THBS4: variants seen among roughly 807,000 people sequenced by gnomAD.
THBS4 encodes the protein thrombospondin 4.
A neutral mutation model predicts 115.7 loss-of-function variants in THBS4; 90 were observed. The observed-to-expected ratio is 0.78, with a 90% CI of 0.66 to 0.93. THBS4 has a LOEUF of 0.93. Among genes scored for constraint, THBS4 ranks in the 40% least tolerant of loss-of-function variants. THBS4 has a pLI of 0.00. For missense variants in THBS4, 1,087 were observed against 1,232.7 expected (o/e 0.88, Z 1.77); for synonymous variants, 460 against 479.3 (o/e 0.96, Z 0.53).
intron 2 of THBS4, among the ~76,000 whole-genome samples, chr5:80,048,706 A>G (rs1833157207): frequency 6.6e-6 from 1 of 151,832 alleles, no homozygotes; most frequent in Non-Finnish European, 1.5e-5. Context: ...GCCATAAGAA[A>G]ACTTTGAAAC....
At chr5:80,062,634 G>A (rs1833675218) in intron 8 of THBS4, among the ~76,000 whole-genome samples, 1 of 152,128 alleles carries the variant, frequency 6.6e-6, no homozygotes, top group South Asian at 2.1e-4. Context: ...TGCTGCACCT[G>A]TTAACTTGTC....
At chr5:80,056,092 G>T in intron 3 of THBS4, 60 bp downstream of exon 3, 1 of 1,514,650 alleles carries the variant, frequency 6.6e-7, no homozygotes, top group Non-Finnish European at 8.9e-7. Context: ...CCTAGGGAGT[G>T]CAGAGGAGCG....
chr5:80,056,794 T>C (rs1032110174), intron 3 of THBS4, among the ~76,000 whole-genome samples: 2 of 152,236 alleles, frequency 1.3e-5, no homozygotes, highest in African/African-American at 4.8e-5. Context: ...TGGTCCATAT[T>C]ATTTTTGTCT....
chr5:80,018,511 C>T (rs1356782735), intron 2 of THBS4, among the ~76,000 whole-genome samples: 1 of 150,250 alleles, frequency 6.7e-6, no homozygotes, highest in Non-Finnish European at 1.5e-5. Flanking sequence ...TCTCCTGCCT[C>T]AGCCTCCCTA....
At chr5:80,009,817 C>CTA (rs554642689) in intron 2 of THBS4, among the ~76,000 whole-genome samples, 166 of 152,156 alleles carry the variant, frequency 1.1e-3, no homozygotes, top group African/African-American at 3.9e-3. Flanking sequence ...AGTGTCCTAG[C>CTA]TATATTGTTT....
rs1832038151 is a variant in THBS4 at position 80,007,328 on chromosome 5, A to G, written n.177+8901A>G. Among the ~76,000 whole-genome samples, 2 of 152,218 alleles carry G rather than the reference A, an allele frequency of 1.3e-5. 1 individual carries two copies. Among genetic ancestry groups the G allele is most frequent in the South Asian group, 4.1e-4 (2 of 4,838 alleles). ...GGTAGTAATTTTTTCCAACTCTGAT[A>G]TTTTGTGTCAGCTCCTACTTGTCCC... On this transcript the variant is annotated intron_variant and non_coding_transcript_variant, in intron 2 of 3. Coordinates refer to the THBS4 transcript ENST00000510218.
At chr5:80,074,964 C>G (rs374589059) in intron 15 of THBS4, among the ~76,000 whole-genome samples, 4 of 152,202 alleles carry the variant, frequency 2.6e-5, no homozygotes, top group African/African-American at 9.6e-5. Flanking sequence ...TCCCAGGATA[C>G]CCCTCTGCCC....
rs749133538 is a variant in THBS4 at position 80,079,111 on chromosome 5, T to C, written c.2364T>C (p.Asn788=). ...GVDFEGTFHV[N]TQTDDDYAGF... is the part of the protein sequence containing the mutation. ...ACTTCGAAGGGACCTTCCATGTGAA[T>C]ACCCAGACAGATGATGACTATGCAG... Residue 788 remains asparagine, a synonymous_variant, in exon 19 of 22, where the codon AAT becomes AAC. Transcript: ENST00000350881. 4.3e-6 allele frequency: 7 copies of C among 1,614,166 alleles called. No individual in the cohort carries two copies. The Admixed American group carries it at 8.3e-5, about 19-fold the overall frequency.
intron 2 of THBS4, among the ~76,000 whole-genome samples, chr5:80,014,435 G>T (rs1832208020): frequency 1.3e-5 from 2 of 152,152 alleles, no homozygotes; most frequent in African/African-American, 4.8e-5. Flanking sequence ...GGAACAAGCA[G>T]AATAATGTTC....
intron 2 of THBS4, among the ~76,000 whole-genome samples, chr5:80,047,980 T>G (rs989972113): frequency 2.6e-5 from 4 of 152,128 alleles, no homozygotes; most frequent in Non-Finnish European, 4.4e-5. Flanking sequence ...CCTGGCTCGC[T>G]GGTACATGCC....
At chr5:80,026,799 AAGAGT>A (rs1832485432) in intron 2 of THBS4, among the ~76,000 whole-genome samples, 1 of 152,212 alleles carries the variant, frequency 6.6e-6, no homozygotes, top group African/African-American at 2.4e-5. Context: ...TTAATACATT[AAGAGT>A]ATTCTTCTCA....
chr5:80,029,865 G>A (rs951860722), intron 2 of THBS4, among the ~76,000 whole-genome samples: 29 of 152,008 alleles, frequency 1.9e-4, no homozygotes, highest in Non-Finnish European at 3.8e-4. Flanking sequence ...AGCTACTCGG[G>A]AGGCTGAGAT....
At chr5:80,038,560 C>G (rs1293917390) in intron 1 of THBS4, among the ~76,000 whole-genome samples, 1 of 152,072 alleles carries the variant, frequency 6.6e-6, no homozygotes, top group Non-Finnish European at 1.5e-5. Flanking sequence ...CAATCTCAGC[C>G]AAGCCCTTCT....
chr5:80,059,751 C>G lies in THBS4; in HGVS notation c.833C>G (p.Ala278Gly). ...SPTPSTVVPP[A>G]PPAPPTRPPR... The stretch of plus-strand genomic sequence containing the variant: ...ACCCCAAGCACGGTGGTGCCCCCGG[C>G]TCCCCCTGCACCGCCAACACGCCCA... Residue 278 changes from alanine to glycine, a missense_variant, in exon 7 of 22, where the codon GCT becomes GGT. Coordinates refer to ENST00000350881, the MANE Select transcript of THBS4 (RefSeq NM_003248.6). 1 of 1,614,188 alleles carries G rather than the reference C, an allele frequency of 6.2e-7. No individual in the cohort carries two copies. Among genetic ancestry groups the G allele is most frequent in the Non-Finnish European group, 8.5e-7 (1 of 1,180,034 alleles).
chr5:80,072,588 A>G, intron 14 of THBS4, 192 bp downstream of exon 14: 1 of 602,642 alleles, frequency 1.7e-6, no homozygotes, highest in Non-Finnish European at 3.0e-6. Flanking sequence ...CTGAAGCCCT[A>G]GGGACTATCT....
At chr5:80,063,942 G>A (rs895621471) in intron 8 of THBS4, among the ~76,000 whole-genome samples, 1 of 152,234 alleles carries the variant, frequency 6.6e-6, no homozygotes. Flanking sequence ...AGCAGATCCT[G>A]GGAGGTGGGA....
In THBS4 at chr5:80,035,914, G is replaced by A; in HGVS notation, c.88+289G>A. 1.0e-6 allele frequency: 1 copy of A among 987,228 alleles called. No homozygotes were observed. The highest frequency in any genetic ancestry group is 1.3e-6 in the Non-Finnish European group (1 of 793,390). 61.2% of individuals were successfully genotyped at this position (987,228 alleles called of 1,614,324 possible). On this transcript the variant is annotated intron_variant, in intron 1 of 21. Coordinates refer to ENST00000350881, the MANE Select transcript of THBS4 (RefSeq NM_003248.6). The surrounding 1 kb of genome is among the most constrained non-coding windows in gnomAD (Gnocchi z 4.6). ...GGGTTGCCTTCAAAACTTGCTACAC[G>A]GTCCTAGACCTCTTAACATGTTAGG...
At chr5:80,073,584 C>T (rs772602159) in intron 15 of THBS4, among the ~76,000 whole-genome samples, 3 of 152,118 alleles carry the variant, frequency 2.0e-5, no homozygotes, top group Non-Finnish European at 1.5e-5. Context: ...CGGGGTTTCA[C>T]CATGTTAGCC....
At chr5:80,038,104 A>T (rs980825119) in intron 1 of THBS4, among the ~76,000 whole-genome samples, 5 of 152,344 alleles carry the variant, frequency 3.3e-5, no homozygotes, top group African/African-American at 1.2e-4. Context: ...ACTTTTATTC[A>T]TTCTTATTAC....
Sources: allele counts gnomAD v4.1 joint callset (sites outside exome capture counted in the v4.1 genomes callset), GRCh38; gene constraint gnomAD v4.1.1; non-coding constraint Gnocchi (gnomAD v3.1); transcripts MANE v1.5; gene names NCBI Gene and HGNC (gene_info 2026-07-23, HGNC 2026-07-21).